Variants in ONECUT2 observed in about 807,000 individuals in gnomAD.
The protein encoded by ONECUT2 is one cut domain family member 2.
In ONECUT2, 10 loss-of-function variants were observed where a neutral mutation model predicts 27.9. The ratio of observed to expected loss-of-function variants is 0.36; its 90% CI spans 0.22 to 0.61. The LOEUF (loss-of-function observed/expected upper bound fraction) is 0.61. Ranked by LOEUF, ONECUT2 falls within the 20% of genes least tolerant of loss-of-function variation. The pLI, the probability that ONECUT2 is intolerant of heterozygous loss-of-function variation, is 0.73. For synonymous variants in ONECUT2, 334 were observed against 315.1 expected, an observed-to-expected ratio of 1.06 and a Z score of -0.64; for missense variants, 686 against 721.0, an observed-to-expected ratio of 0.95 and a Z score of 0.56.
At chr18:57,452,009 A>G (rs983519312) in intron 1 of ONECUT2, among the ~76,000 whole-genome samples, 3 of 152,100 alleles carry the variant, frequency 2.0e-5, no homozygotes, top group Non-Finnish European at 4.4e-5. Context: ...ACCTCATGCC[A>G]TGTATTTTAG....
At chr18:57,461,252 T>C (rs999958153) in intron 1 of ONECUT2, among the ~76,000 whole-genome samples, 1 of 152,216 alleles carries the variant, frequency 6.6e-6, no homozygotes, top group Non-Finnish European at 1.5e-5. Flanking sequence ...CATGCTGTTA[T>C]GTGTTGCTGC....
chr18:57,435,640 G>T lies in ONECUT2; in HGVS notation c.-77G>T. The T allele has an allele frequency of 2.3e-6, 2 of 887,238 alleles. No homozygotes were observed. The highest frequency in any genetic ancestry group is 5.1e-5 in the South Asian group (1 of 19,436). 55.0% of individuals were successfully genotyped at this position (887,238 alleles called of 1,614,324 possible). On this transcript the variant is annotated 5_prime_UTR_variant, in exon 1 of 2. Coordinates refer to ENST00000491143, the MANE Select transcript of ONECUT2 (RefSeq NM_004852.3). ...CGCGCCCGCCCCCACTCCCGCAGCC[G>T]AGCCCCGCCACGCGCGCCTTGCCCG...
chr18:57,435,689 C>T lies in ONECUT2; in HGVS notation c.-28C>T, dbSNP rs1334844308. The T allele has an allele frequency of 1.9e-6, 2 of 1,065,438 alleles. No individual in the cohort carries two copies. The highest frequency in any genetic ancestry group is 4.9e-5 in the Admixed American group (1 of 20,512). The allele number at this position is 1,065,438 out of a possible 1,614,324, so 66.0% of individuals were successfully genotyped here. A position where few individuals can be genotyped will look rare whatever the true frequency, so the allele number is the denominator to read the frequency against. ...CGCCCGCCGGCCGCCCCCGCCGCCCCCGCCGCCCCCGGGCCCTGATGGACT... is the reference window on the plus strand; with the variant it reads ...CGCCCGCCGGCCGCCCCCGCCGCCCTCGCCGCCCCCGGGCCCTGATGGACT... On this transcript the variant is annotated 5_prime_UTR_variant, in exon 1 of 2. Coordinates refer to ENST00000491143, the MANE Select transcript of ONECUT2 (RefSeq NM_004852.3).
Position 57,437,610 on chromosome 18 carries a change from G to A in ONECUT2, c.1228+666G>A, listed in dbSNP as rs563195684. On this transcript the variant is annotated intron_variant, in intron 1 of 1. Coordinates refer to ENST00000491143, the MANE Select transcript of ONECUT2 (RefSeq NM_004852.3). ...GCGTTGGCGCAGGGACTTTCTGACC[G>A]GGCTTGAGGGGCTCGGGCCAGCTCC... Among the ~76,000 whole-genome samples the A allele has an allele frequency of 6.6e-5, 10 of 152,324 alleles. No individual in the cohort carries two copies. In the South Asian group the frequency reaches 1.9e-3, roughly 28 times the overall value.
Position 57,478,025 on chromosome 18 carries a change from G to A in ONECUT2, c.*1302G>A, listed in dbSNP as rs1194983364. The A allele has an allele frequency of 6.6e-6, 1 of 152,594 alleles. No individual in the cohort carries two copies. 9.5% of individuals were successfully genotyped at this position (152,594 alleles called of 1,614,324 possible). ...AAGAAGCAGAATACTGCAAACCAAAGACATTTATGACTTGTCATTTTCTAG... is the reference window on the plus strand; with the variant it reads ...AAGAAGCAGAATACTGCAAACCAAAAACATTTATGACTTGTCATTTTCTAG... On this transcript the variant is annotated 3_prime_UTR_variant, in exon 2 of 2. Coordinates refer to ENST00000491143, the MANE Select transcript of ONECUT2 (RefSeq NM_004852.3).
rs1158475582 is a variant in ONECUT2, at chr18:57,435,650, A to G, written c.-67A>G. 1.2e-6 allele frequency: 1 copy of G among 853,098 alleles called. No homozygotes were observed. The highest frequency in any genetic ancestry group is 1.4e-6 in the Non-Finnish European group (1 of 713,882). The allele number at this position is 853,098 out of a possible 1,614,324, so 52.8% of individuals were successfully genotyped here. On this transcript the variant is annotated 5_prime_UTR_variant, in exon 1 of 2. Transcript: ENST00000491143. Reference sequence around the variant, plus strand: ...CCCACTCCCGCAGCCGAGCCCCGCCACGCGCGCCTTGCCCGCCCGCCGGCC... The same window carrying G: ...CCCACTCCCGCAGCCGAGCCCCGCCGCGCGCGCCTTGCCCGCCCGCCGGCC...
At chr18:57,454,584 T>C (rs994940505) in intron 1 of ONECUT2, among the ~76,000 whole-genome samples, 5 of 152,198 alleles carry the variant, frequency 3.3e-5, no homozygotes, top group African/African-American at 1.2e-4. Context: ...ATATGGCACC[T>C]GGTACATTGC....
chr18:57,442,999 C>T (rs1372660311), intron 1 of ONECUT2, among the ~76,000 whole-genome samples: 1 of 152,172 alleles, frequency 6.6e-6, no homozygotes, highest in Non-Finnish European at 1.5e-5. Flanking sequence ...AGAGAGCCTC[C>T]CCACCAGGTT....
At chr18:57,453,910 A>G (rs2050244720) in intron 1 of ONECUT2, among the ~76,000 whole-genome samples, 1 of 152,188 alleles carries the variant, frequency 6.6e-6, no homozygotes, top group African/African-American at 2.4e-5. Context: ...CTGAGGACAG[A>G]AGAACAAGCC....
At chr18:57,438,480 C>T (rs1295135528) in intron 1 of ONECUT2, among the ~76,000 whole-genome samples, 1 of 152,242 alleles carries the variant, frequency 6.6e-6, no homozygotes, top group African/African-American at 2.4e-5. Flanking sequence ...GGGCTTTCCT[C>T]GCACCGCTGA....
At chr18:57,442,337 GT>G (rs539965410) in intron 1 of ONECUT2, among the ~76,000 whole-genome samples, 38 of 151,232 alleles carry the variant, frequency 2.5e-4, no homozygotes, top group African/African-American at 8.3e-4. Context: ...GGAAAGCAGT[GT>G]TTTCCAGCCC....
At position 57,485,352 on chromosome 18, in the gene ONECUT2, G is replaced by T. The variant is rs1267953062; in HGVS notation, c.*8629G>T. The T allele has an allele frequency of 1.3e-5, 2 of 152,112 alleles. No individual in the cohort carries two copies. The highest frequency in any genetic ancestry group is 2.4e-5 in the African/African-American group (1 of 41,402). 9.4% of individuals were successfully genotyped at this position (152,112 alleles called of 1,614,324 possible). Reference sequence around the variant, plus strand: ...AGCCTTACATCATTTGATACTAAAGGGTTATTTGTGGTAAATGAAAAATGA... The same window carrying T: ...AGCCTTACATCATTTGATACTAAAGTGTTATTTGTGGTAAATGAAAAATGA... On this transcript the variant is annotated 3_prime_UTR_variant, in exon 2 of 2. Coordinates refer to ENST00000491143, the MANE Select transcript of ONECUT2 (RefSeq NM_004852.3).
intron 1 of ONECUT2, among the ~76,000 whole-genome samples, chr18:57,472,627 G>C (rs1476762772): frequency 6.6e-6 from 1 of 152,078 alleles, no homozygotes; most frequent in African/African-American, 2.4e-5. Context: ...GCATAGGCAG[G>C]ATGTATTGAT....
intron 1 of ONECUT2, among the ~76,000 whole-genome samples, chr18:57,447,046 C>T (rs1212917578): frequency 6.6e-6 from 1 of 152,172 alleles, no homozygotes; most frequent in African/African-American, 2.4e-5. Flanking sequence ...GCCAAATCAG[C>T]AAACTCGAGT....
At chr18:57,447,663 T>C (rs1273232180) in intron 1 of ONECUT2, among the ~76,000 whole-genome samples, 1 of 152,170 alleles carries the variant, frequency 6.6e-6, no homozygotes, top group Non-Finnish European at 1.5e-5. Flanking sequence ...CTTTCAAGTG[T>C]TACTGTCTGC....
intron 1 of ONECUT2, among the ~76,000 whole-genome samples, chr18:57,469,000 G>A (rs948571738): frequency 3.3e-5 from 5 of 152,158 alleles, no homozygotes; most frequent in African/African-American, 1.2e-4. Context: ...GAAGTGAAGG[G>A]GGGTTATTTC....
chr18:57,436,527 AC>A lies in ONECUT2; in HGVS notation c.814del (p.Arg272AlafsTer17). 1 of 1,612,652 alleles carries A rather than the reference AC, an allele frequency of 6.2e-7. No homozygotes were observed. The highest frequency in any genetic ancestry group is 8.5e-7 in the Non-Finnish European group (1 of 1,179,862). On this transcript the variant is annotated frameshift_variant, in exon 1 of 2. Coordinates refer to ENST00000491143, the MANE Select transcript of ONECUT2 (RefSeq NM_004852.3). LOFTEE classifies it high-confidence loss of function. This position sits in a 1 kb window ranked among gnomAD's most constrained non-coding sequence, Gnocchi z 5.9. ...CGACGCGCACCACACTGCCATGCTG[AC>A]CCGCGGTGAGCAACACCTGTCCCGC... is the stretch of plus-strand genomic sequence containing the variant. ...NFDAHHTAMLTRGEQHLSRGL... is the reference protein window; with the variant it reads ...NFDAHHTAMLXRGEQHLSRGL...
chr18:57,477,974 AC>A lies in ONECUT2; in HGVS notation c.*1252del, dbSNP rs2050394055. 2 of 152,662 alleles carry A rather than the reference AC, an allele frequency of 1.3e-5. No individual in the cohort carries two copies. Among genetic ancestry groups the A allele is most frequent in the African/African-American group, 4.8e-5 (2 of 41,458 alleles). The allele number at this position is 152,662 out of a possible 1,614,324, so 9.5% of individuals were successfully genotyped here. ...AATCATCCTTGCAAAACAGCTGAAT[AC>A]ATCTGGAGAAAACACAGCACACCAA... On this transcript the variant is annotated 3_prime_UTR_variant, in exon 2 of 2. Transcript: ENST00000491143.
intron 1 of ONECUT2, among the ~76,000 whole-genome samples, chr18:57,474,477 G>A (rs952021042): frequency 6.6e-6 from 1 of 152,186 alleles, no homozygotes; most frequent in South Asian, 2.1e-4. Flanking sequence ...CTAAGATTAA[G>A]GTGCCAGCGG....
Sources: allele counts gnomAD v4.1 joint callset (sites outside exome capture counted in the v4.1 genomes callset), GRCh38; gene constraint gnomAD v4.1.1; non-coding constraint Gnocchi (gnomAD v3.1); transcripts MANE v1.5; gene names NCBI Gene and HGNC (gene_info 2026-07-23, HGNC 2026-07-21).